Variants in MYCBPAP observed in about 807,000 individuals in gnomAD.
MYCBPAP encodes MYCBP associated protein.
Under a neutral mutation model 106.1 loss-of-function variants are expected in MYCBPAP, and 60 were observed. The observed-to-expected ratio is 0.57, with a 90% CI of 0.46 to 0.70. MYCBPAP has a LOEUF of 0.70. Ranked by LOEUF, MYCBPAP falls within the 30% of genes least tolerant of loss-of-function variation. The probability of loss-of-function intolerance (pLI) is 0.00; values close to 1 mark genes in which losing one functional copy is unlikely to be tolerated. For missense variants in MYCBPAP, 1,064 were observed against 1,169.3 expected (o/e 0.91, Z 1.31); for synonymous variants, 407 against 440.6 (o/e 0.92, Z 0.95).
At position 50,528,155 on chromosome 17, in the gene MYCBPAP, T is replaced by C; in HGVS notation, c.2292T>C (p.Cys764=). Residue 764 remains cysteine (C), a splice_region_variant and synonymous_variant, in exon 16 of 19, where the codon TGT becomes TGC. Transcript: ENST00000323776. The part of the protein sequence containing the change: ...PLQSNLLHQM[C]LQLWRDVIDS... ...TTCTCCACTGTGTCTTGCCCTCTAG[T>C]TTGCAGCTGTGGCGAGATGTGATTG... is the stretch of plus-strand genomic sequence containing the variant. The C allele has an allele frequency of 6.2e-7, 1 of 1,613,818 alleles. No homozygotes were observed. Among genetic ancestry groups the C allele is most frequent in the Non-Finnish European group, 8.5e-7 (1 of 1,179,788 alleles).
At chr17:50,512,833 G>A (rs1026235655) in intron 1 of MYCBPAP, among the ~76,000 whole-genome samples, 1 of 152,148 alleles carries the variant, frequency 6.6e-6, no homozygotes, top group Non-Finnish European at 1.5e-5. Context: ...CAGCACTTTG[G>A]GAGGCCGAGG....
intron 14 of MYCBPAP, 143 bp downstream of exon 14, chr17:50,526,410 C>CTATT (rs773616077): frequency 1.3e-3 from 481 of 378,632 alleles, no homozygotes; most frequent in East Asian, 3.4e-3. Flanking sequence ...GGTTATCTAT[C>CTATT]TATCTATTTA....
chr17:50,511,103 A>G (rs2033832680), intron 1 of MYCBPAP, among the ~76,000 whole-genome samples: 1 of 152,194 alleles, frequency 6.6e-6, no homozygotes, highest in Non-Finnish European at 1.5e-5. Flanking sequence ...CTTTTTAAAA[A>G]TATCTCAGGG....
At position 50,508,471 on chromosome 17, in the gene MYCBPAP, C is replaced by T; in HGVS notation, c.-204C>T. On this transcript the variant is annotated 5_prime_UTR_variant, in exon 1 of 19. Coordinates refer to ENST00000323776, the MANE Select transcript of MYCBPAP (RefSeq NM_032133.6). ...TCTAGGGGTCCGTCGCTCTTGAAGC[C>T]GCCGGCGGCGGGCGCGTGCGCGGCC... The T allele has an allele frequency of 1.5e-5, 21 of 1,435,196 alleles. No individual in the cohort carries two copies. Among genetic ancestry groups the T allele is most frequent in the Middle Eastern group, 2.4e-4 (1 of 4,112 alleles). 88.9% of individuals were successfully genotyped at this position (1,435,196 alleles called of 1,614,324 possible).
chr17:50,519,105 C>T lies in MYCBPAP; in HGVS notation c.768+16C>T, dbSNP rs953967121. ...TGATAGGAAAGTGAGGCCACCTGTC[C>T]TAAGTGCCCGGGGGCAGGGGGGTCC... On this transcript the variant is annotated intron_variant, in intron 6 of 18. Coordinates refer to ENST00000323776, the MANE Select transcript of MYCBPAP (RefSeq NM_032133.6). 6.4e-7 allele frequency: 1 copy of T among 1,556,090 alleles called. No individual in the cohort carries two copies. The highest frequency in any genetic ancestry group is 1.7e-5 in the Admixed American group (1 of 58,706).
At chr17:50,531,223 A>G (rs2034631406) in intron 18 of MYCBPAP, 104 bp from the exon 19 acceptor site, 1 of 688,988 alleles carries the variant, frequency 1.5e-6, no homozygotes, top group East Asian at 3.3e-5. Context: ...TTTCACAAAC[A>G]ACTGGTTTCT....
At chr17:50,521,040 C>T in intron 7 of MYCBPAP, 70 bp from the exon 8 acceptor site, 3 of 1,237,628 alleles carry the variant, frequency 2.4e-6, no homozygotes, top group African/African-American at 1.5e-5. Context: ...ACTCTCAGAG[C>T]CCTTGAGAAG....
chr17:50,523,174 G>C, intron 11 of MYCBPAP, 46 bp downstream of exon 11: 1 of 1,580,270 alleles, frequency 6.3e-7, no homozygotes, highest in Non-Finnish European at 8.7e-7. Flanking sequence ...GTCTGGGGCT[G>C]GTTTTGTCCT....
Position 50,523,597 on chromosome 17 carries a change from G to T in MYCBPAP, c.1448G>T (p.Gly483Val), listed in dbSNP as rs2034354924. The change falls in exon 12 of 19, where the codon GGT becomes GTT. Residue 483 changes from glycine (G) to valine (V), a missense_variant and splice_region_variant. By Grantham distance (109) the Gly-to-Val change is moderately radical. Coordinates refer to ENST00000323776, the MANE Select transcript of MYCBPAP (RefSeq NM_032133.6). Reference protein sequence around the residue: ...MQRFYFDNREGVILPGEIKTF... With the variant: ...MQRFYFDNREVVILPGEIKTF... ...AACCTCGGGTCTCTGTCCCTCTCAG[G>T]TGTGATTCTGCCTGGAGAAATTAAA... The T allele has an allele frequency of 6.2e-7, 1 of 1,614,170 alleles. No individual in the cohort carries two copies. Among genetic ancestry groups the T allele is most frequent in the African/African-American group, 1.3e-5 (1 of 75,056 alleles).
intron 12 of MYCBPAP, among the ~76,000 whole-genome samples, chr17:50,524,270 A>C (rs1285820565): frequency 6.6e-6 from 1 of 152,194 alleles, no homozygotes; most frequent in Non-Finnish European, 1.5e-5. Flanking sequence ...TGTCGTCCGC[A>C]GTCAGTTTCA....
intron 1 of MYCBPAP, chr17:50,509,374 A>G (rs569853876): frequency 3.7e-5 from 19 of 517,788 alleles, no homozygotes; most frequent in Non-Finnish European, 5.6e-5. Context: ...ACTGCTTCCT[A>G]CCCTCTACAG....
intron 1 of MYCBPAP, among the ~76,000 whole-genome samples, chr17:50,513,612 G>A (rs769523491): frequency 2.8e-4 from 43 of 152,224 alleles, no homozygotes; most frequent in Admixed American, 9.8e-4. Context: ...AAAAATCTTC[G>A]GCAGTGTTGA....
rs549320420 is a variant in MYCBPAP at position 50,525,174 on chromosome 17, C to G, written c.1782+151C>G. On this transcript the variant is annotated intron_variant, in intron 13 of 18. Transcript: ENST00000323776. Reference sequence around the variant, plus strand: ...GTCAGATCAGCGGTGGCATTAGATTCTCATAGGAGCACGAATCCCATTGTG... The same window carrying G: ...GTCAGATCAGCGGTGGCATTAGATTGTCATAGGAGCACGAATCCCATTGTG... 30 of 876,688 alleles carry G rather than the reference C, an allele frequency of 3.4e-5. No individual in the cohort carries two copies. The South Asian group carries it at 4.8e-4, about 14-fold the overall frequency. 54.3% of individuals were successfully genotyped at this position (876,688 alleles called of 1,614,324 possible).
chr17:50,512,422 G>A (rs2033889118), intron 1 of MYCBPAP, among the ~76,000 whole-genome samples: 1 of 152,116 alleles, frequency 6.6e-6, no homozygotes, highest in South Asian at 2.1e-4. Context: ...TGCTTTGCTT[G>A]GACTTTGACT....
At chr17:50,508,847 A>T in intron 1 of MYCBPAP, 97 bp downstream of exon 1, 1 of 1,086,996 alleles carries the variant, frequency 9.2e-7, no homozygotes, top group African/African-American at 1.6e-5. Flanking sequence ...TGGGGATGGC[A>T]CCAGGGATGG....
At chr17:50,528,578 A>C in intron 16 of MYCBPAP, 117 bp from the exon 17 acceptor site, 1 of 1,362,440 alleles carries the variant, frequency 7.3e-7, no homozygotes, top group Non-Finnish European at 1.0e-6. Context: ...CGCGCCTACC[A>C]GGGCTCAAGG....
Position 50,521,389 on chromosome 17 carries a change from T to G in MYCBPAP, c.1106T>G (p.Phe369Cys). The change falls in exon 9 of 19, where the codon TTT (phenylalanine) becomes TGT (cysteine). Residue 369 changes from phenylalanine (F) to cysteine (C), a missense_variant. Phe to Cys is a radical substitution (Grantham distance 205). Transcript: ENST00000323776. ...GTTACTGTGGAAGACTACACAGTGT[T>G]TGAAAGAAGTCAGGGAAGCTCCTCT... ...SAVTVEDYTV[F>C]ERSQGSSSED... The G allele has an allele frequency of 2.5e-6, 4 of 1,603,814 alleles. No homozygotes were observed. The highest frequency in any genetic ancestry group is 3.4e-6 in the Non-Finnish European group (4 of 1,174,564).
chr17:50,519,199 A>T (rs1168160863), intron 6 of MYCBPAP, 110 bp downstream of exon 6: 1 of 726,792 alleles, frequency 1.4e-6, no homozygotes, highest in African/African-American at 1.8e-5. Flanking sequence ...AGCTGGGGAG[A>T]AAAAACCTAT....
chr17:50,520,862 C>T (rs1432409923), intron 7 of MYCBPAP: 11 of 464,408 alleles, frequency 2.4e-5, no homozygotes, highest in Non-Finnish European at 3.6e-5. Context: ...TAAAAGGTAG[C>T]TGCTGTTATT....
Sources: gnomAD v4.1 joint callset for allele counts (sites outside exome capture counted in the v4.1 genomes callset) on GRCh38, gnomAD v4.1.1 for gene constraint, MANE v1.5 for transcripts, NCBI Gene and HGNC (gene_info 2026-07-23, HGNC 2026-07-21) for gene names.